SNTG2: variants seen among roughly 807,000 people sequenced by gnomAD.
SNTG2 encodes the protein syntrophin gamma 2.
SNTG2 carries 74 observed loss-of-function variants against 70.9 expected under a neutral mutation model. That is an observed-to-expected ratio of 1.04 (90% CI 0.86 to 1.27). The LOEUF is 1.27. Ranked by LOEUF, SNTG2 falls within the 50% of genes most tolerant of loss-of-function variation. SNTG2 has a pLI of 0.00. For synonymous variants in SNTG2, 278 were observed against 273.8 expected, an observed-to-expected ratio of 1.02 and a Z score of -0.15; for missense variants, 717 against 690.7, an observed-to-expected ratio of 1.04 and a Z score of -0.43.
At chr2:1,048,480 CATA>C (rs1305882441) in intron 1 of SNTG2, among the ~76,000 whole-genome samples, 1 of 152,126 alleles carries the variant, frequency 6.6e-6, no homozygotes, top group Admixed American at 6.6e-5. Flanking sequence ...ATATATATCA[CATA>C]ATATTTTATG....
intron 1 of SNTG2, among the ~76,000 whole-genome samples, chr2:1,042,124 A>G (rs1661474140): frequency 6.6e-6 from 1 of 152,220 alleles, no homozygotes; most frequent in African/African-American, 2.4e-5. Flanking sequence ...TGAATTATGA[A>G]TGCATATTAG....
intron 14 of SNTG2, among the ~76,000 whole-genome samples, chr2:1,302,591 A>AAGAGAAATC (rs1310130753): frequency 6.6e-5 from 10 of 152,256 alleles, no homozygotes; most frequent in African/African-American, 2.4e-4. Context: ...CAGGAAAAAA[A>AAGAGAAATC]AGAGAAATCA....
At chr2:1,169,427 C>G (rs1301600558) in intron 7 of SNTG2, among the ~76,000 whole-genome samples, 1 of 152,226 alleles carries the variant, frequency 6.6e-6, no homozygotes, top group East Asian at 1.9e-4. Flanking sequence ...TTTGAAGGAG[C>G]AGAATTTAAG....
intron 11 of SNTG2, among the ~76,000 whole-genome samples, chr2:1,245,270 TAAAA>T (rs888127862): frequency 2.1e-5 from 3 of 143,344 alleles, no homozygotes; most frequent in South Asian, 2.2e-4. Flanking sequence ...AGTATAATAA[TAAAA>T]AAAAAGGAAA....
chr2:1,163,350 G>GTGTGTGAAGTCTTCCCAACAGGAAGTGGT (rs2147853360), intron 6 of SNTG2: 1 of 148,068 alleles, frequency 6.8e-6, no homozygotes, highest in Admixed American at 6.7e-5. Flanking sequence ...CAGGAAGTGG[G>GTGTGTGAAGTCTTCCCAACAGGAAGTGGT]TGTGTGAAGT....
chr2:982,417 G>A (rs1328151374), intron 1 of SNTG2, among the ~76,000 whole-genome samples: 1 of 152,196 alleles, frequency 6.6e-6, no homozygotes, highest in East Asian at 1.9e-4. Context: ...GAGGACACGG[G>A]CATGTCCCAG....
intron 4 of SNTG2, among the ~76,000 whole-genome samples, chr2:1,136,277 A>G (rs1398822259): frequency 6.6e-6 from 1 of 151,906 alleles, no homozygotes; most frequent in African/African-American, 2.4e-5. Flanking sequence ...AGAGAGGGGA[A>G]CAACAGCATG....
At chr2:977,089 T>C (rs757865074) in intron 1 of SNTG2, among the ~76,000 whole-genome samples, 5 of 152,160 alleles carry the variant, frequency 3.3e-5, no homozygotes, top group Non-Finnish European at 7.4e-5. Context: ...TCACTGTTAA[T>C]GTAGGTGATC....
intron 2 of SNTG2, among the ~76,000 whole-genome samples, chr2:1,095,418 G>A (rs1665328645): frequency 6.6e-6 from 1 of 152,170 alleles, no homozygotes; most frequent in African/African-American, 2.4e-5. Context: ...CACAAAGCAG[G>A]TATGAAATAA....
intron 4 of SNTG2, chr2:1,102,821 A>C (rs1427300232): frequency 1.3e-5 from 2 of 152,352 alleles, no homozygotes; most frequent in Non-Finnish European, 2.9e-5. Context: ...CTGAGTTAGG[A>C]GTGTGGACAG....
chr2:1,237,848 G>C (rs772781739), intron 9 of SNTG2, 40 bp from the exon 10 acceptor site: 1 of 1,566,274 alleles, frequency 6.4e-7, no homozygotes, highest in Non-Finnish European at 8.7e-7. Context: ...GCCCGCTCCC[G>C]TCGCTGCGGG....
intron 14 of SNTG2, among the ~76,000 whole-genome samples, chr2:1,301,443 T>G (rs2148236673): frequency 6.6e-6 from 1 of 152,252 alleles, no homozygotes. Context: ...GGCCTCAAAC[T>G]TCCCCACATT....
At chr2:1,120,415 G>T (rs111898966) in intron 4 of SNTG2, among the ~76,000 whole-genome samples, 1,963 of 152,142 alleles carry the variant, frequency 0.013, 35 homozygotes, top group African/African-American at 0.042. Flanking sequence ...ATAATCACCT[G>T]GAATATAAAT....
intron 1 of SNTG2, among the ~76,000 whole-genome samples, chr2:1,010,349 C>T (rs1035821142): frequency 6.6e-6 from 1 of 152,168 alleles, no homozygotes; most frequent in Non-Finnish European, 1.5e-5. Flanking sequence ...TGGACCTGGT[C>T]TAGCTGGGTG....
intron 16 of SNTG2, among the ~76,000 whole-genome samples, chr2:1,365,270 T>C (rs1243477497): frequency 6.6e-6 from 1 of 152,172 alleles, no homozygotes; most frequent in African/African-American, 2.4e-5. Flanking sequence ...TAATGACGCT[T>C]TATGAAACTA....
chr2:1,030,293 TAGAA>T (rs1306435424), intron 1 of SNTG2, among the ~76,000 whole-genome samples: 1 of 152,124 alleles, frequency 6.6e-6, no homozygotes, highest in Non-Finnish European at 1.5e-5. Flanking sequence ...GCTTCGTGCT[TAGAA>T]AGGAGGATTT....
At chr2:1,268,016 A>G (rs541220813) in intron 14 of SNTG2, among the ~76,000 whole-genome samples, 3 of 152,332 alleles carry the variant, frequency 2.0e-5, no homozygotes, top group South Asian at 2.1e-4. Context: ...TGATGGTCCG[A>G]AGGAGAATAT....
At chr2:1,079,930 G>A (rs149554133) in intron 1 of SNTG2, among the ~76,000 whole-genome samples, 1 of 152,354 alleles carries the variant, frequency 6.6e-6, no homozygotes, top group African/African-American at 2.4e-5. Flanking sequence ...TCCGAAGGCG[G>A]CTGCACTACC....
At chr2:1,122,554 G>T (rs768479423) in intron 4 of SNTG2, among the ~76,000 whole-genome samples, 1 of 152,032 alleles carries the variant, frequency 6.6e-6, no homozygotes, top group Admixed American at 6.5e-5. Flanking sequence ...ACCAGTTCAG[G>T]TATAGACAGC....
Sources: allele counts gnomAD v4.1 joint callset (sites outside exome capture counted in the v4.1 genomes callset), GRCh38; gene constraint gnomAD v4.1.1; transcripts MANE v1.5; gene names NCBI Gene and HGNC (gene_info 2026-07-23, HGNC 2026-07-21).